The following PRKAA1 variants were observed in gnomAD, a reference collection of about 807,000 sequenced individuals.
The protein encoded by PRKAA1 is protein kinase AMP-activated catalytic subunit alpha 1, also known as 5'-AMP-activated protein kinase catalytic subunit alpha-1.
In PRKAA1, 23 loss-of-function variants were observed where a neutral mutation model predicts 56.9. The observed-to-expected ratio is 0.40, with a 90% confidence interval of 0.29 to 0.57. The LOEUF (loss-of-function observed/expected upper bound fraction) is 0.57. Among genes scored for constraint, PRKAA1 ranks in the 20% least tolerant of loss-of-function variants. The pLI, the probability that PRKAA1 is intolerant of heterozygous loss-of-function variation, is 0.39. For synonymous variants in PRKAA1, 226 were observed against 227.0 expected (o/e 1.00, Z 0.04); for missense variants, 413 against 679.7 (o/e 0.61, Z 4.36).
intron 1 of PRKAA1, among the ~76,000 whole-genome samples, chr5:40,791,406 CAAG>C (rs1744712582): frequency 6.6e-6 from 1 of 152,238 alleles, no homozygotes; most frequent in African/African-American, 2.4e-5. Context: ...GTCCCCCTCA[CAAG>C]AATAGCAGAT....
intron 6 of PRKAA1, 41 bp downstream of exon 6, chr5:40,767,425 G>T: frequency 2.7e-6 from 4 of 1,490,748 alleles, no homozygotes; most frequent in South Asian, 1.2e-5. Context: ...CTTTTATCAT[G>T]GATACTATCA....
chr5:40,797,976 G>A lies in PRKAA1; in HGVS notation c.127+87C>T, dbSNP rs1182087831. On this transcript the variant is annotated intron_variant, in intron 1 of 8. Transcript: ENST00000397128. ...CCCAGCCCTGGAAAGAAGGGACGCA[G>A]CGGGCGGGGGAGGATGAAGAGGTGC... 211 of 1,544,066 alleles carry A rather than the reference G, an allele frequency of 1.4e-4. 2 individuals carry two copies. Among genetic ancestry groups the A allele is most frequent in the Non-Finnish European group, 4.4e-6 (5 of 1,138,760 alleles).
rs1554031839 is a variant in PRKAA1 at position 40,774,549 on chromosome 5, A to ACTTTTTTTTTTT, written c.363+860_363+861insAAAAAAAAAAAG. On this transcript the variant is annotated intron_variant, in intron 3 of 8. Transcript: ENST00000397128. ...CCTGTTTCCCATTTCTCCAGGCAGA[A>ACTTTTTTTTTTT]TTTTTTTTTTTTTTTTTTTTTTGGT... Among the ~76,000 whole-genome samples, 7 of 125,084 alleles carry ACTTTTTTTTTTT rather than the reference A, an allele frequency of 5.6e-5. 2 individuals carry two copies. Among genetic ancestry groups the ACTTTTTTTTTTT allele is most frequent in the Non-Finnish European group, 6.7e-5 (4 of 59,366 alleles). 82.1% of individuals were successfully genotyped at this position (125,084 alleles called of 152,430 possible). A position where few individuals can be genotyped will look rare whatever the true frequency, so the allele number is the denominator to read the frequency against.
intron 1 of PRKAA1, among the ~76,000 whole-genome samples, chr5:40,783,001 T>C (rs1029138989): frequency 6.6e-6 from 1 of 152,266 alleles, no homozygotes; most frequent in Middle Eastern, 3.4e-3. Context: ...CCTTTTGAAG[T>C]AATAGAAGAA....
At chr5:40,779,988 T>A (rs1222553546) in intron 1 of PRKAA1, among the ~76,000 whole-genome samples, 1 of 152,148 alleles carries the variant, frequency 6.6e-6, no homozygotes, top group Admixed American at 6.5e-5. Flanking sequence ...ATAAAATACA[T>A]AGCATAGCAA....
chr5:40,767,563 A>C lies in PRKAA1; in HGVS notation c.724T>G (p.Phe242Val), dbSNP rs1268985916. The C allele has an allele frequency of 6.2e-7, 1 of 1,613,420 alleles. No individual in the cohort carries two copies. The highest frequency in any genetic ancestry group is 2.2e-5 in the East Asian group (1 of 44,856). ...GGATTTAAATATTGAGGGGTATAGA[A>C]GATCCCATCACATATCTTCTTAAAA... ...TLFKKICDGI[F>V]YTPQYLNPSV... The change falls in exon 6 of 9, where the codon TTC becomes GTC. Residue 242 changes from phenylalanine to valine, a missense_variant. Transcript: ENST00000397128.
intron 1 of PRKAA1, among the ~76,000 whole-genome samples, chr5:40,792,039 T>A (rs1330734300): frequency 6.6e-6 from 1 of 152,240 alleles, no homozygotes; most frequent in Non-Finnish European, 1.5e-5. Flanking sequence ...AGTTCAAAAG[T>A]ACAAAAGCAT....
intron 2 of PRKAA1, among the ~76,000 whole-genome samples, chr5:40,776,579 G>C (rs1744013927): frequency 6.6e-6 from 1 of 152,188 alleles, no homozygotes; most frequent in Non-Finnish European, 1.5e-5. Flanking sequence ...AGCCAGTTCA[G>C]GAGAAAAACC....
intron 1 of PRKAA1, among the ~76,000 whole-genome samples, chr5:40,785,334 G>C (rs1385439133): frequency 1.3e-5 from 2 of 152,016 alleles, no homozygotes; most frequent in African/African-American, 4.8e-5. Flanking sequence ...CCGCCTCCTG[G>C]GTTCAAGCGA....
At chr5:40,767,169 C>A (rs576098801) in intron 6 of PRKAA1, among the ~76,000 whole-genome samples, 1 of 152,188 alleles carries the variant, frequency 6.6e-6, no homozygotes, top group African/African-American at 2.4e-5. Flanking sequence ...CAGCACCAAT[C>A]TTTCATTAGC....
At chr5:40,796,645 G>A (rs1744939791) in intron 1 of PRKAA1, among the ~76,000 whole-genome samples, 2 of 152,262 alleles carry the variant, frequency 1.3e-5, no homozygotes, top group South Asian at 2.1e-4. Flanking sequence ...CCGCCTTGCA[G>A]ATTTTCATAA....
intron 3 of PRKAA1, among the ~76,000 whole-genome samples, chr5:40,774,075 A>G (rs1235045858): frequency 6.6e-6 from 1 of 152,242 alleles, no homozygotes; most frequent in Admixed American, 6.5e-5. Context: ...AGCATTTGGT[A>G]TACAGTAATA....
chr5:40,798,179 A>T lies in PRKAA1; in HGVS notation c.11T>A (p.Leu4His). 1 of 1,389,088 alleles carries T rather than the reference A, an allele frequency of 7.2e-7. No individual in the cohort carries two copies. 86.0% of individuals were successfully genotyped at this position (1,389,088 alleles called of 1,614,324 possible). A position where few individuals can be genotyped will look rare whatever the true frequency, so the allele number is the denominator to read the frequency against. ...TGTCGCCATCTTTCTCCAGGAACTG[A>T]GTCTGCGCATGGCGCTGCGGGAGGG... MRR[L>H]SSWRKMATAE... The change falls in exon 1 of 9, where the codon CTC becomes CAC. Residue 4 changes from leucine to histidine, a missense_variant. Leu to His is a moderately conservative substitution (Grantham distance 99). Coordinates refer to ENST00000397128, the MANE Select transcript of PRKAA1 (RefSeq NM_006251.6).
chr5:40,764,378 G>C (rs765379851), intron 8 of PRKAA1, 136 bp downstream of exon 8: 10 of 783,464 alleles, frequency 1.3e-5, no homozygotes, highest in South Asian at 4.7e-5. Flanking sequence ...TATTGCAAAG[G>C]CACAAGAAAT....
At chr5:40,782,043 T>C (rs1744287219) in intron 1 of PRKAA1, among the ~76,000 whole-genome samples, 1 of 152,158 alleles carries the variant, frequency 6.6e-6, no homozygotes, top group African/African-American at 2.4e-5. Flanking sequence ...ATCTCCAAGC[T>C]CTGGCTTGGC....
chr5:40,798,184 G>C lies in PRKAA1; in HGVS notation c.6C>G (p.Arg2=), dbSNP rs373047558. 92 of 1,543,470 alleles carry C rather than the reference G, an allele frequency of 6.0e-5. No homozygotes were observed. The highest frequency in any genetic ancestry group is 7.7e-5 in the Non-Finnish European group (88 of 1,144,312). Residue 2 remains arginine (R), a synonymous_variant, in exon 1 of 9, where the codon CGC becomes CGG. Coordinates refer to ENST00000397128, the MANE Select transcript of PRKAA1 (RefSeq NM_006251.6). M[R]RLSSWRKMAT... Reference sequence around the variant, plus strand: ...CCATCTTTCTCCAGGAACTGAGTCTGCGCATGGCGCTGCGGGAGGGGGCGG... The same window carrying C: ...CCATCTTTCTCCAGGAACTGAGTCTCCGCATGGCGCTGCGGGAGGGGGCGG...
intron 5 of PRKAA1, chr5:40,768,635 C>A (rs1579718716): frequency 1.8e-6 from 2 of 1,135,926 alleles, no homozygotes; most frequent in South Asian, 3.5e-5. Context: ...TCTAGGCCAA[C>A]AAGCTTATAA....
At position 40,773,029 on chromosome 5, in the gene PRKAA1, G is replaced by A. The variant is rs1024979701; in HGVS notation, c.364-1166C>T. On this transcript the variant is annotated intron_variant, in intron 3 of 8. Transcript: ENST00000397128. ...ATTACTTGGACATGCCTGCTCCCAA[G>A]AAGTCATATTTAATAAATAAGCTAT... is the stretch of plus-strand genomic sequence containing the variant. Among the ~76,000 whole-genome samples, 4 of 152,088 alleles carry A rather than the reference G, an allele frequency of 2.6e-5. No individual in the cohort carries two copies. In the East Asian group the frequency reaches 7.7e-4, roughly 29 times the overall value.
chr5:40,786,273 A>C (rs1039436010), intron 1 of PRKAA1, among the ~76,000 whole-genome samples: 10 of 142,966 alleles, frequency 7.0e-5, no homozygotes, highest in Non-Finnish European at 6.2e-5. Context: ...AAAAAAAAGC[A>C]GCAGCAGCTG....
Sources: gnomAD v4.1 joint callset for allele counts (sites outside exome capture counted in the v4.1 genomes callset) on GRCh38, gnomAD v4.1.1 for gene constraint, MANE v1.5 for transcripts, NCBI Gene and HGNC (gene_info 2026-07-23, HGNC 2026-07-21) for gene names.